The following NCOA2 variants were observed in gnomAD, a reference collection of about 807,000 sequenced individuals.
The protein encoded by NCOA2 is class E basic helix-loop-helix protein 75.
In NCOA2, 21 loss-of-function variants were observed where a neutral mutation model predicts 145.1. The ratio of observed to expected loss-of-function variants is 0.14; its 90% CI spans 0.10 to 0.21. NCOA2 has a LOEUF of 0.21. Among genes scored for constraint, NCOA2 ranks in the 10% least tolerant of loss-of-function variants. The pLI is 1.00. For synonymous variants in NCOA2, 619 were observed against 637.5 expected, an observed-to-expected ratio of 0.97 and a Z score of 0.44; for missense variants, 1,472 against 1,837.6, an observed-to-expected ratio of 0.80 and a Z score of 3.64.
At chr8:70,339,581 A>T (rs1807936757) in intron 1 of NCOA2, among the ~76,000 whole-genome samples, 2 of 152,194 alleles carry the variant, frequency 1.3e-5, no homozygotes, top group Admixed American at 6.5e-5. Flanking sequence ...AGAAAAAAAA[A>T]TAACTTTTAA....
intron 1 of NCOA2, among the ~76,000 whole-genome samples, chr8:70,359,883 A>T (rs2130991129): frequency 6.6e-6 from 1 of 152,192 alleles, no homozygotes; most frequent in Admixed American, 6.5e-5. Flanking sequence ...CCCTGCCCTA[A>T]AATTTTACTT....
At chr8:70,441,388 GAGAAAGAAAGAA>G in the NCOA2 span, among the ~76,000 whole-genome samples, 3 of 42,974 alleles carry the variant, frequency 7.0e-5, no homozygotes, top group African/African-American at 1.0e-4. Flanking sequence ...AAAGAAGAAA[GAGAAAGAAAGAA>G]AAGAAGAGAG....
At position 70,148,481 on chromosome 8, in the gene NCOA2, A is replaced by G. The variant is rs777562717; in HGVS notation, c.2397T>C (p.Pro799=). The G allele has an allele frequency of 1.9e-6, 3 of 1,612,626 alleles. No homozygotes were observed. In the East Asian group the frequency reaches 6.7e-5, roughly 36 times the overall value. The part of the protein sequence containing the change: ...EEMSFEPGDQ[P]GSELDNLEEI... ...CCTCCAAGTTGTCCAGCTCACTGCCAGGCTGTAGTTGACAAACAGAAGAGT... is the reference window on the plus strand; with the variant it reads ...CCTCCAAGTTGTCCAGCTCACTGCCGGGCTGTAGTTGACAAACAGAAGAGT... The change falls in exon 12 of 23, where the codon CCT becomes CCC. Residue 799 remains proline (P), a splice_region_variant and synonymous_variant. Coordinates refer to ENST00000452400, the MANE Select transcript of NCOA2 (RefSeq NM_006540.4).
At chr8:70,128,193 T>G (rs1406467518) in intron 18 of NCOA2, among the ~76,000 whole-genome samples, 2 of 152,246 alleles carry the variant, frequency 1.3e-5, no homozygotes, top group African/African-American at 2.4e-5. Flanking sequence ...ATTCAGTGTT[T>G]GCAGTAACTT....
intron 2 of NCOA2, among the ~76,000 whole-genome samples, chr8:70,247,913 T>G (rs768518210): frequency 1.3e-5 from 2 of 152,258 alleles, no homozygotes; most frequent in Non-Finnish European, 2.9e-5. Context: ...GATGTATTGC[T>G]GTTAGCAAAT....
chr8:70,373,146 T>C (rs1463374964), intron 1 of NCOA2, among the ~76,000 whole-genome samples: 1 of 152,208 alleles, frequency 6.6e-6, no homozygotes, highest in Non-Finnish European at 1.5e-5. Flanking sequence ...ATGGTATGTA[T>C]ACTTTAAACT....
chr8:70,446,394 T>G, the NCOA2 span, among the ~76,000 whole-genome samples: 1 of 152,170 alleles, frequency 6.6e-6, no homozygotes, highest in African/African-American at 2.4e-5. Flanking sequence ...ATTACAGAAC[T>G]TCACAGATTC....
chr8:70,296,353 T>C (rs1827092790), intron 2 of NCOA2, among the ~76,000 whole-genome samples: 3 of 152,224 alleles, frequency 2.0e-5, no homozygotes, highest in African/African-American at 7.2e-5. Context: ...TGTAGTAACT[T>C]TTCTTTTCTC....
intron 1 of NCOA2, among the ~76,000 whole-genome samples, chr8:70,312,369 T>C (rs575295914): frequency 6.6e-6 from 1 of 152,292 alleles, no homozygotes; most frequent in South Asian, 2.1e-4. Context: ...TTACCATCTA[T>C]CAGGATTTCC....
intron 13 of NCOA2, among the ~76,000 whole-genome samples, chr8:70,143,245 G>A (rs1286634839): frequency 3.3e-5 from 5 of 152,208 alleles, no homozygotes; most frequent in African/African-American, 1.2e-4. Flanking sequence ...ACCATGCCTG[G>A]CCTAGTCTGT....
At chr8:70,198,902 A>C (rs1245897622) in intron 4 of NCOA2, among the ~76,000 whole-genome samples, 2 of 152,134 alleles carry the variant, frequency 1.3e-5, no homozygotes, top group Non-Finnish European at 2.9e-5. Flanking sequence ...ACCCCTGTGG[A>C]TGTCTAATGG....
At chr8:70,397,377 C>T (rs182918343) in intron 1 of NCOA2, among the ~76,000 whole-genome samples, 1 of 151,238 alleles carries the variant, frequency 6.6e-6, no homozygotes, top group African/African-American at 2.4e-5. Context: ...CGCTTGAACC[C>T]GGGAGGCAGA....
At chr8:70,205,294 T>G (rs1391381063) in intron 4 of NCOA2, among the ~76,000 whole-genome samples, 1 of 152,170 alleles carries the variant, frequency 6.6e-6, no homozygotes, top group Non-Finnish European at 1.5e-5. Context: ...AGCAGTATTT[T>G]GGATAGGGAG....
At chr8:70,150,411 C>T (rs1811605769) in intron 11 of NCOA2, among the ~76,000 whole-genome samples, 1 of 152,164 alleles carries the variant, frequency 6.6e-6, no homozygotes, top group South Asian at 2.1e-4. Flanking sequence ...TTGGCTGAGT[C>T]CTAAGTGAAG....
intron 2 of NCOA2, among the ~76,000 whole-genome samples, chr8:70,224,697 C>CTT (rs1820456014): frequency 6.6e-6 from 1 of 152,002 alleles, no homozygotes; most frequent in Admixed American, 6.6e-5. Flanking sequence ...CTTCATTTCA[C>CTT]TTTGAGTCTT....
At chr8:70,340,807 TC>T (rs1808061762) in intron 1 of NCOA2, among the ~76,000 whole-genome samples, 2 of 152,056 alleles carry the variant, frequency 1.3e-5, no homozygotes, top group South Asian at 4.1e-4. Flanking sequence ...GAAGTTACTA[TC>T]CTCAGCAAAC....
chr8:70,393,473 C>CT (rs1813387827), intron 1 of NCOA2, among the ~76,000 whole-genome samples: 1 of 152,172 alleles, frequency 6.6e-6, no homozygotes, highest in South Asian at 2.1e-4. Context: ...CAAAGGCTCC[C>CT]TCTTTTCCTC....
chr8:70,183,342 T>A (rs1815695144), intron 4 of NCOA2, among the ~76,000 whole-genome samples: 1 of 152,204 alleles, frequency 6.6e-6, no homozygotes, highest in African/African-American at 2.4e-5. Flanking sequence ...CTTCCAAATA[T>A]GAATGTCAAC....
chr8:70,259,198 A>G (rs890158328), intron 2 of NCOA2, among the ~76,000 whole-genome samples: 2 of 152,190 alleles, frequency 1.3e-5, no homozygotes, highest in African/African-American at 4.8e-5. Flanking sequence ...TGCTTCATAC[A>G]AGTGAGACCT....
Sources: allele counts gnomAD v4.1 joint callset (sites outside exome capture counted in the v4.1 genomes callset), GRCh38; gene constraint gnomAD v4.1.1; transcripts MANE v1.5; gene names NCBI Gene and HGNC (gene_info 2026-07-23, HGNC 2026-07-21).